The following CABIN1 variants were observed in gnomAD, a reference collection of about 807,000 sequenced individuals.
The protein encoded by CABIN1 is calcineurin binding protein 1.
In CABIN1, 133 loss-of-function variants were observed where a neutral mutation model predicts 227.7. That is an observed-to-expected ratio of 0.58 (90% CI 0.51 to 0.67). CABIN1 has a LOEUF of 0.67. CABIN1 is among the 30% of genes least tolerant of loss of function. CABIN1 has a pLI of 0.00. For missense variants in CABIN1, 2,408 were observed against 2,852.5 expected (o/e 0.84, Z 3.55); for synonymous variants, 1,086 against 1,155.1 (o/e 0.94, Z 1.21).
At chr22:24,151,422 T>A (rs2045476693) in intron 29 of CABIN1, among the ~76,000 whole-genome samples, 1 of 152,116 alleles carries the variant, frequency 6.6e-6, no homozygotes, top group Non-Finnish European at 1.5e-5. Flanking sequence ...ACAAAAGCCA[T>A]TTTTTAGGGA....
At chr22:24,068,709 T>C (rs1170026941) in intron 16 of CABIN1, among the ~76,000 whole-genome samples, 1 of 152,268 alleles carries the variant, frequency 6.6e-6, no homozygotes, top group Non-Finnish European at 1.5e-5. Flanking sequence ...GCAAATATTT[T>C]TTTCCCAATT....
At chr22:24,144,888 A>G (rs1049291504) in intron 29 of CABIN1, among the ~76,000 whole-genome samples, 3 of 152,154 alleles carry the variant, frequency 2.0e-5, no homozygotes, top group South Asian at 2.1e-4. Context: ...CTGAGCCCCT[A>G]TGGGAGTCAC....
chr22:24,046,253 A>G (rs561119135), intron 6 of CABIN1, among the ~76,000 whole-genome samples: 1 of 152,294 alleles, frequency 6.6e-6, no homozygotes, highest in East Asian at 1.9e-4. Flanking sequence ...CATTTGCACA[A>G]TGTAGCCATT....
intron 28 of CABIN1, among the ~76,000 whole-genome samples, chr22:24,130,224 G>C (rs537666035): frequency 6.6e-6 from 1 of 152,344 alleles, no homozygotes; most frequent in East Asian, 1.9e-4. Flanking sequence ...CCAGCAGTGT[G>C]ACAGGTTGCA....
At chr22:24,022,509 A>C (rs1328993164) in intron 1 of CABIN1, among the ~76,000 whole-genome samples, 1 of 152,204 alleles carries the variant, frequency 6.6e-6, no homozygotes, top group African/African-American at 2.4e-5. Context: ...TACTCACCTA[A>C]TGAAGGATAT....
At chr22:24,105,290 A>C (rs1009900361) in intron 26 of CABIN1, among the ~76,000 whole-genome samples, 14 of 152,194 alleles carry the variant, frequency 9.2e-5, no homozygotes, top group African/African-American at 3.4e-4. Flanking sequence ...TTTAATAAGC[A>C]CTTGGCTGGC....
At chr22:24,031,613 C>T (rs1262284845) in intron 1 of CABIN1, among the ~76,000 whole-genome samples, 1 of 152,178 alleles carries the variant, frequency 6.6e-6, no homozygotes, top group African/African-American at 2.4e-5. Context: ...GTGAAGGCAG[C>T]AGTTCAGACG....
chr22:24,120,296 A>G (rs1461835769), intron 28 of CABIN1, among the ~76,000 whole-genome samples: 1 of 152,144 alleles, frequency 6.6e-6, no homozygotes, highest in East Asian at 1.9e-4. Context: ...TGGAAAGCGG[A>G]TGATGTAGCG....
intron 26 of CABIN1, among the ~76,000 whole-genome samples, chr22:24,108,597 C>T (rs903853075): frequency 2.6e-5 from 4 of 152,186 alleles, no homozygotes; most frequent in African/African-American, 9.7e-5. Flanking sequence ...ACTGATGATC[C>T]ATCAGTTCCT....
intron 29 of CABIN1, among the ~76,000 whole-genome samples, chr22:24,148,417 G>A (rs1490819738): frequency 6.6e-6 from 1 of 152,236 alleles, no homozygotes; most frequent in East Asian, 1.9e-4. Context: ...CCTTTGCTGT[G>A]CATGTCATTA....
At chr22:24,062,109 A>C (rs2039235778) in intron 13 of CABIN1, 84 bp downstream of exon 13, 1 of 1,165,648 alleles carries the variant, frequency 8.6e-7, no homozygotes, top group Admixed American at 1.7e-5. Context: ...AGACTGAGTC[A>C]TGGAATTTAG....
intron 1 of CABIN1, among the ~76,000 whole-genome samples, chr22:24,016,736 G>A (rs1161392143): frequency 2.0e-5 from 3 of 152,198 alleles, no homozygotes; most frequent in African/African-American, 4.8e-5. Flanking sequence ...CCCTCCAGAA[G>A]GGTTGTACCA....
At chr22:24,051,218 G>C (rs984236629) in intron 8 of CABIN1, among the ~76,000 whole-genome samples, 11 of 152,140 alleles carry the variant, frequency 7.2e-5, no homozygotes, top group Non-Finnish European at 1.6e-4. Flanking sequence ...CTTGACCCCA[G>C]CCACCTGCCA....
chr22:24,171,581 C>A, intron 33 of CABIN1, 132 bp from the exon 34 acceptor site: 1 of 988,408 alleles, frequency 1.0e-6, no homozygotes, highest in Non-Finnish European at 1.5e-6. Context: ...CTCAGTGGTG[C>A]CATATGGGCA....
chr22:24,033,666 G>C (rs1252154670), intron 1 of CABIN1, among the ~76,000 whole-genome samples: 1 of 152,158 alleles, frequency 6.6e-6, no homozygotes, highest in African/African-American at 2.4e-5. Flanking sequence ...CCAGGTGTCA[G>C]GTCCTGTGAG....
At chr22:24,026,703 T>A (rs552552886) in intron 1 of CABIN1, among the ~76,000 whole-genome samples, 30 of 152,352 alleles carry the variant, frequency 2.0e-4, no homozygotes, top group African/African-American at 5.5e-4. Context: ...CCATTTTCAT[T>A]TGGGTTCTTA....
At chr22:24,099,136 TG>T (rs921403188) in intron 26 of CABIN1, among the ~76,000 whole-genome samples, 14 of 151,838 alleles carry the variant, frequency 9.2e-5, no homozygotes, top group East Asian at 1.9e-4. Context: ...AGTACAGGTC[TG>T]GGGGGGGCCA....
intron 6 of CABIN1, among the ~76,000 whole-genome samples, chr22:24,046,430 C>A (rs1244782415): frequency 1.3e-5 from 2 of 152,148 alleles, no homozygotes; most frequent in Non-Finnish European, 2.9e-5. Flanking sequence ...TGTGTTTTGA[C>A]TCTAGCAGTT....
chr22:24,159,340 G>A (rs2046018016), intron 29 of CABIN1, among the ~76,000 whole-genome samples: 1 of 152,270 alleles, frequency 6.6e-6, no homozygotes. Context: ...GGCAGTGCCT[G>A]ACCAGGCCGG....
Sources: gnomAD v4.1 joint callset for allele counts (sites outside exome capture counted in the v4.1 genomes callset) on GRCh38, gnomAD v4.1.1 for gene constraint, MANE v1.5 for transcripts, NCBI Gene and HGNC (gene_info 2026-07-23, HGNC 2026-07-21) for gene names.